Variants in CAPS2 observed in about 807,000 individuals in gnomAD.
CAPS2 encodes calcyphosine 2, also known as calcyphosin-2.
A neutral mutation model predicts 86.5 loss-of-function variants in CAPS2; 98 were observed. The ratio of observed to expected loss-of-function variants is 1.13; its 90% confidence interval spans 0.96 to 1.34. The LOEUF (loss-of-function observed/expected upper bound fraction) is 1.34. CAPS2 is among the 40% of genes most tolerant of loss of function. The pLI is 0.00. For missense variants in CAPS2, 729 were observed against 686.8 expected, an observed-to-expected ratio of 1.06 and a Z score of -0.69; for synonymous variants, 210 against 225.1, an observed-to-expected ratio of 0.93 and a Z score of 0.60.
chr12:75,379,840 G>A (rs1347481589), intron 1 of CAPS2, among the ~76,000 whole-genome samples: 2 of 133,072 alleles, frequency 1.5e-5, no homozygotes, highest in Non-Finnish European at 3.1e-5. Context: ...TTATTATGAT[G>A]CATCCCTATC....
At chr12:75,276,757 G>T, downstream of CAPS2, 1 of 853,454 alleles carries the variant, frequency 1.2e-6, no homozygotes, top group Non-Finnish European at 1.4e-6. Context: ...CAATTATATA[G>T]CATACAAGCA....
At chr12:75,390,317 C>G (rs2045517824) in intron 1 of CAPS2, 2 of 456,234 alleles carry the variant, frequency 4.4e-6, no homozygotes, top group South Asian at 3.1e-5. Context: ...AGAGTTCGTT[C>G]TTACTGTGAA....
At chr12:75,276,916 G>A, downstream of CAPS2, 1 of 984,436 alleles carries the variant, frequency 1.0e-6, no homozygotes, top group East Asian at 1.1e-4. Context: ...TCAAAAGTCA[G>A]TTGTGTTGTG....
At chr12:75,335,167 CTAAAGTTA>C (rs2041639375) in intron 1 of CAPS2, among the ~76,000 whole-genome samples, 1 of 152,122 alleles carries the variant, frequency 6.6e-6, no homozygotes, top group Non-Finnish European at 1.5e-5. Flanking sequence ...TGTTGCACCA[CTAAAGTTA>C]TAAGTACTGA....
chr12:75,301,710 T>C (rs2037841356), intron 8 of CAPS2, among the ~76,000 whole-genome samples: 1 of 152,214 alleles, frequency 6.6e-6, no homozygotes, highest in Admixed American at 6.5e-5. Flanking sequence ...CATTACATTA[T>C]ATTGCTTTTC....
At chr12:75,297,582 T>C (rs757940182) in intron 11 of CAPS2, among the ~76,000 whole-genome samples, 26 of 152,296 alleles carry the variant, frequency 1.7e-4, no homozygotes, top group Non-Finnish European at 2.9e-4. Context: ...GACAGATCTT[T>C]CAAAATCACA....
intron 15 of CAPS2, among the ~76,000 whole-genome samples, chr12:75,283,080 C>G (rs2034269200): frequency 6.6e-6 from 1 of 152,136 alleles, no homozygotes; most frequent in Middle Eastern, 3.2e-3. Context: ...AATATTTCCT[C>G]CCTAAAATCA....
At position 75,298,618 on chromosome 12, in the gene CAPS2, C is replaced by T. The variant is rs549165441; in HGVS notation, c.1044+69G>A. 1.3e-4 allele frequency: 159 copies of T among 1,189,990 alleles called. 2 individuals are homozygous for T. The South Asian group carries it at 1.7e-3, about 13-fold the overall frequency. The allele number at this position is 1,189,990 out of a possible 1,614,324, so 73.7% of individuals were successfully genotyped here. A position where few individuals can be genotyped will look rare whatever the true frequency, so the allele number is the denominator to read the frequency against. ...ATTGAAGACTAGAAGCCCTACTCCT[C>T]CACCTCCATGGGACTCCACAAAATC... On this transcript the variant is annotated intron_variant, in intron 11 of 16. Coordinates refer to ENST00000393284, the Ensembl canonical transcript of CAPS2.
chr12:75,298,803 A>G (rs887809882), intron 10 of CAPS2, 23 bp from the exon 11 acceptor site: 1 of 1,603,608 alleles, frequency 6.2e-7, no homozygotes, highest in Non-Finnish European at 8.5e-7. Flanking sequence ...TGAAAAAAAA[A>G]TGGAAAGTTA....
At chr12:75,338,091 G>A (rs1305388834) in intron 1 of CAPS2, among the ~76,000 whole-genome samples, 1 of 152,034 alleles carries the variant, frequency 6.6e-6, no homozygotes, top group African/African-American at 2.4e-5. Flanking sequence ...AACTGAAAGA[G>A]AAAACCTTTT....
intron 14 of CAPS2, among the ~76,000 whole-genome samples, chr12:75,289,046 G>C (rs1295452199): frequency 6.6e-6 from 1 of 152,094 alleles, no homozygotes; most frequent in African/African-American, 2.4e-5. Flanking sequence ...ATTCACAGTG[G>C]AGGGAACAGT....
intron 1 of CAPS2, among the ~76,000 whole-genome samples, chr12:75,381,127 T>A (rs960740231): frequency 6.6e-6 from 1 of 151,976 alleles, no homozygotes. Context: ...CAGGGGGAGG[T>A]AACTGAATCA....
Position 75,278,159 on chromosome 12 carries a change from G to T in CAPS2, c.*731C>A, listed in dbSNP as rs189332372. On this transcript the variant is annotated 3_prime_UTR_variant, in exon 17 of 17. Coordinates refer to ENST00000393284, the Ensembl canonical transcript of CAPS2. ...ATAACAATCGTATGCTGGTAAAAAG[G>T]ATTACAGTTAAAAAGCAGAATAAAA... The T allele has an allele frequency of 3.6e-4, 348 of 956,284 alleles. No individual in the cohort carries two copies. The African/African-American group carries it at 5.9e-3, about 16-fold the overall frequency. 59.2% of individuals were successfully genotyped at this position (956,284 alleles called of 1,614,324 possible).
rs549181846 is a variant in CAPS2 at position 75,390,810 on chromosome 12, ATTAGT to A, written c.-395+23_-395+27del. On this transcript the variant is annotated intron_variant, in intron 1 of 5. Coordinates refer to the CAPS2 transcript ENST00000551829. ...TCAATTCGGGATAACATTTCACTAC[ATTAGT>A]TTAGTGAAAAGGGCTTACTCACGTA... is the stretch of plus-strand genomic sequence containing the variant. 6.5e-4 allele frequency: 374 copies of A among 576,740 alleles called. 1 individual carries two copies. The highest frequency in any genetic ancestry group is 1.2e-3 in the Non-Finnish European group (344 of 295,274). The allele number at this position is 576,740 out of a possible 1,614,324, so 35.7% of individuals were successfully genotyped here.
At chr12:75,332,859 T>C (rs2041428784), upstream of CAPS2, among the ~76,000 whole-genome samples, 1 of 151,734 alleles carries the variant, frequency 6.6e-6, no homozygotes, top group Non-Finnish European at 1.5e-5. Context: ...TGAAGAAAAA[T>C]AAAACAGGTT....
At chr12:75,342,221 A>C (rs1164077424) in intron 1 of CAPS2, among the ~76,000 whole-genome samples, 1 of 152,172 alleles carries the variant, frequency 6.6e-6, no homozygotes, top group Non-Finnish European at 1.5e-5. Flanking sequence ...TGATTACTTC[A>C]ATTTATACAT....
At chr12:75,284,590 T>A (rs2034542075) in intron 15 of CAPS2, among the ~76,000 whole-genome samples, 1 of 152,134 alleles carries the variant, frequency 6.6e-6, no homozygotes, top group Non-Finnish European at 1.5e-5. Context: ...GGTATATGCA[T>A]TATCTTATTC....
chr12:75,387,368 C>A (rs1429637017), intron 1 of CAPS2, among the ~76,000 whole-genome samples: 1 of 152,112 alleles, frequency 6.6e-6, no homozygotes, highest in African/African-American at 2.4e-5. Flanking sequence ...CCACTACACA[C>A]CTTTTAGAAT....
intron 8 of CAPS2, among the ~76,000 whole-genome samples, chr12:75,300,226 T>C (rs11180453): frequency 0.11 from 16,226 of 152,110 alleles, 1,437 homozygotes; most frequent in African/African-American, 0.25. Flanking sequence ...ATGCCATTTC[T>C]AACCCTCTTC....
Sources: allele counts gnomAD v4.1 joint callset (sites outside exome capture counted in the v4.1 genomes callset), GRCh38; gene constraint gnomAD v4.1.1; transcripts MANE v1.5; gene names NCBI Gene and HGNC (gene_info 2026-07-23, HGNC 2026-07-21).